Variants in DLEC1 observed in about 807,000 individuals in gnomAD.
DLEC1 encodes deleted in lung and esophageal cancer protein 1.
In DLEC1, 146 loss-of-function variants were observed where a neutral mutation model predicts 198.1. The ratio of observed to expected loss-of-function variants is 0.74; its 90% CI spans 0.64 to 0.85. DLEC1 has a LOEUF of 0.85. Ranked by LOEUF, DLEC1 falls within the 40% of genes least tolerant of loss-of-function variation. DLEC1 has a pLI of 0.00. For missense variants in DLEC1, 2,233 were observed against 2,220.0 expected (o/e 1.01, Z -0.12); for synonymous variants, 897 against 866.8 (o/e 1.03, Z -0.61).
intron 13 of DLEC1, chr3:38,095,511 C>T (rs1698968117): frequency 9.5e-6 from 3 of 314,168 alleles, no homozygotes; most frequent in South Asian, 8.8e-5. Context: ...AAGGATGCTC[C>T]GGGGCCATTG....
rs1696736306 is a variant in DLEC1, at chr3:38,062,386, TGCAGA to T, written c.873+23_873+27del. The T allele has an allele frequency of 1.2e-6, 2 of 1,613,926 alleles. No individual in the cohort carries two copies. Among genetic ancestry groups the T allele is most frequent in the Admixed American group, 3.3e-5 (2 of 59,986 alleles). Reference sequence around the variant, plus strand: ...CTCTCAAGGTCAGTTTGGAAGGCTGTGCAGAGCAGTGTTTGGGGGGACAGAGAGGC... The same window carrying T: ...CTCTCAAGGTCAGTTTGGAAGGCTGTGCAGTGTTTGGGGGGACAGAGAGGC... On this transcript the variant is annotated intron_variant, in intron 4 of 36. Coordinates refer to ENST00000308059, the MANE Select transcript of DLEC1 (RefSeq NM_007335.4).
chr3:38,062,660 C>T lies in DLEC1; in HGVS notation c.953C>T (p.Ala318Val). 6 of 1,614,056 alleles carry T rather than the reference C, an allele frequency of 3.7e-6. No homozygotes were observed. Among genetic ancestry groups the T allele is most frequent in the Non-Finnish European group, 5.1e-6 (6 of 1,180,016 alleles). ...AGAGAGCTAGACAGACTTCTGCTTG[C>T]CAGAATGGAGAGTCGGAACCACTTC... ...PQRELDRLLLARMESRNHFLK... is the reference protein window; with the variant it reads ...PQRELDRLLLVRMESRNHFLK... Residue 318 changes from alanine (A) to valine (V), a missense_variant, in exon 5 of 37, where the codon GCC becomes GTC. Transcript: ENST00000308059.
Position 38,122,382 on chromosome 3 carries a change from TGAGA to T in DLEC1, c.5241_5244del (p.Glu1747AspfsTer73), listed in dbSNP as rs1265025711. The T allele has an allele frequency of 5.6e-6, 9 of 1,614,098 alleles. No individual in the cohort carries two copies. Among genetic ancestry groups the T allele is most frequent in the Non-Finnish European group, 7.6e-6 (9 of 1,180,006 alleles). ...GGCTCCGGGGCCAAGGCTCCTATGA[TGAGA>T]GATACATGTTGCCTCACCAGCCCTG... On this transcript the variant is annotated frameshift_variant, in exon 37 of 37. Coordinates refer to ENST00000308059, the MANE Select transcript of DLEC1 (RefSeq NM_007335.4). LOFTEE classifies it high-confidence loss of function.
rs1404587115 is a variant in DLEC1 at position 38,122,275 on chromosome 3, C to A, written c.5145-14C>A. The A allele has an allele frequency of 6.2e-7, 1 of 1,608,248 alleles. No individual in the cohort carries two copies. The highest frequency in any genetic ancestry group is 1.3e-5 in the African/African-American group (1 of 74,834). ...AGGTGCCTCCTAACCTCAGCCCCCA[C>A]ATGCTCCCCACAGGAGTAGTGAGCT... On this transcript the variant is annotated splice_polypyrimidine_tract_variant and intron_variant, in intron 36 of 36. Transcript: ENST00000308059.
intron 12 of DLEC1, 113 bp from the exon 13 acceptor site, chr3:38,094,766 C>T: frequency 1.6e-6 from 2 of 1,279,024 alleles, no homozygotes; most frequent in Non-Finnish European, 2.1e-6. Context: ...CTGGTTTCTT[C>T]CTGTTCCTAG....
rs892621641 is a variant in DLEC1 at position 38,097,523 on chromosome 3, G to T, written c.2451G>T (p.Gly817=). 5.3e-5 allele frequency: 86 copies of T among 1,614,054 alleles called. No homozygotes were observed. Among genetic ancestry groups the T allele is most frequent in the Non-Finnish European group, 6.4e-5 (76 of 1,180,030 alleles). ...GTGVIEPSEV[G]DFELNFTGGV... is the part of the protein sequence containing the mutation. ...TCTTCTCAGAGCCCAGTGAGGTCGG[G>T]GATTTTGAGTTGAACTTTACTGGGG... The change falls in exon 17 of 37, where the codon GGG becomes GGT. Residue 817 remains glycine, a synonymous_variant. Coordinates refer to ENST00000308059, the MANE Select transcript of DLEC1 (RefSeq NM_007335.4).
chr3:38,121,725 G>A lies in DLEC1; in HGVS notation c.4964G>A (p.Arg1655Gln), dbSNP rs766331966. ...TGCTTTGTGAGCCAGCAGCGAGTCC[G>A]GGAGGTCTACCTGATGAACCTGAGC... Reference protein sequence around the residue: ...GTCFVSQQRVREVYLMNLSGC... With the variant: ...GTCFVSQQRVQEVYLMNLSGC... Residue 1655 changes from arginine to glutamine, a missense_variant, in exon 35 of 37, where the codon CGG (arginine) becomes CAG (glutamine). By Grantham distance (43) the Arg-to-Gln change is conservative. Coordinates refer to ENST00000308059, the MANE Select transcript of DLEC1 (RefSeq NM_007335.4). 25 of 1,614,054 alleles carry A rather than the reference G, an allele frequency of 1.5e-5. 2 individuals are homozygous for A. The South Asian group carries it at 2.2e-4, about 14-fold the overall frequency.
At chr3:38,043,962 T>C (rs1700770905) in intron 1 of DLEC1, among the ~76,000 whole-genome samples, 1 of 152,200 alleles carries the variant, frequency 6.6e-6, no homozygotes, top group Non-Finnish European at 1.5e-5. Flanking sequence ...AACTGTTTTT[T>C]TTTTTCTTTA....
chr3:38,110,655 T>G (rs1390992141), intron 23 of DLEC1, among the ~76,000 whole-genome samples: 1 of 152,088 alleles, frequency 6.6e-6, no homozygotes, highest in Non-Finnish European at 1.5e-5. Context: ...GGACCACTGA[T>G]AGCGTGCCTG....
chr3:38,093,622 G>A lies in DLEC1; in HGVS notation c.1774G>A (p.Ala592Thr), dbSNP rs1411563556. Residue 592 changes from alanine to threonine, a missense_variant, in exon 12 of 37, where the codon GCT (alanine) becomes ACT (threonine). Transcript: ENST00000308059. The stretch of plus-strand genomic sequence containing the variant: ...TTTGGCAGGAATTGGGCAGCTGATT[G>A]CTTTGGATCTGATCTATATTTCTGG... ...LVTIGIGQLI[A>T]LDLIYISGEK... 1 of 1,614,058 alleles carries A rather than the reference G, an allele frequency of 6.2e-7. No homozygotes were observed. Among genetic ancestry groups the A allele is most frequent in the Non-Finnish European group, 8.5e-7 (1 of 1,180,042 alleles).
intron 6 of DLEC1, among the ~76,000 whole-genome samples, chr3:38,065,292 A>T (rs1337960795): frequency 3.3e-5 from 5 of 152,178 alleles, no homozygotes; most frequent in South Asian, 2.1e-4. Context: ...GCGGCAGTAC[A>T]GTCCAGCCTC....
chr3:38,110,895 C>T (rs1169905395), intron 23 of DLEC1, among the ~76,000 whole-genome samples: 3 of 151,928 alleles, frequency 2.0e-5, no homozygotes, highest in Non-Finnish European at 4.4e-5. Context: ...CACAAATATA[C>T]ACACATACAC....
In DLEC1 at chr3:38,042,753, C is replaced by T. The variant is rs1252212523; in HGVS notation, c.412-2790C>T. On this transcript the variant is annotated intron_variant, in intron 1 of 36. Coordinates refer to ENST00000308059, the MANE Select transcript of DLEC1 (RefSeq NM_007335.4). ...TGTATTTTTAGTAAAGACAGGGTTT[C>T]ACTATGTTGGCCAGACTGGTCTTGA... 5.3e-5 allele frequency among the ~76,000 whole-genome samples: 8 copies of T among 152,240 alleles called. No individual in the cohort carries two copies. The East Asian group carries it at 1.5e-3, about 29-fold the overall frequency.
In DLEC1 at chr3:38,039,637, G is replaced by A. The variant is rs1429510951; in HGVS notation, c.411+1G>A. On this transcript the variant is annotated splice_donor_variant, in intron 1 of 36. Coordinates refer to ENST00000308059, the MANE Select transcript of DLEC1 (RefSeq NM_007335.4). LOFTEE classifies it high-confidence loss of function. The stretch of plus-strand genomic sequence containing the variant: ...GGAGTTCGTGGACCAGCTGCAGCAG[G>A]TAACGTGGCGGTGGCGTCGCGTCTG... 1.3e-6 allele frequency: 2 copies of A among 1,594,294 alleles called. No homozygotes were observed. The highest frequency in any genetic ancestry group is 1.7e-6 in the Non-Finnish European group (2 of 1,167,054).
rs774106027 is a variant in DLEC1, at chr3:38,116,975, G to C, written c.4180G>C (p.Val1394Leu). The C allele has an allele frequency of 1.9e-6, 3 of 1,613,808 alleles. No individual in the cohort carries two copies. The Admixed American group carries it at 5.0e-5, about 27-fold the overall frequency. Reference protein sequence around the residue: ...HLYCISPKQVVVPAGGSSTIY... With the variant: ...HLYCISPKQVLVPAGGSSTIY... ...GCTAAGGCTGCTGTGTCTATGCCAGGTGGTCCCTGCTGGGGGCAGCAGTAC... is the reference window on the plus strand; with the variant it reads ...GCTAAGGCTGCTGTGTCTATGCCAGCTGGTCCCTGCTGGGGGCAGCAGTAC... Residue 1394 changes from valine to leucine, a missense_variant and splice_region_variant, in exon 30 of 37, where the codon GTG (valine) becomes CTG (leucine). Transcript: ENST00000308059.
At chr3:38,110,056 GGTGTGTTAC>G in intron 22 of DLEC1, 34 bp from the exon 23 acceptor site, 1 of 1,602,264 alleles carries the variant, frequency 6.2e-7, no homozygotes, top group Non-Finnish European at 8.5e-7. Flanking sequence ...GGCCAAGGGT[GGTGTGTTAC>G]ATAGTACCAA....
chr3:38,111,708 G>GTGC lies in DLEC1; in HGVS notation c.3476_3478dup (p.Val1159_Arg1160insLeu). 6.2e-7 allele frequency: 1 copy of GTGC among 1,613,436 alleles called. No individual in the cohort carries two copies. The highest frequency in any genetic ancestry group is 8.5e-7 in the Non-Finnish European group (1 of 1,179,816). On this transcript the variant is annotated inframe_insertion, in exon 24 of 37. Transcript: ENST00000308059. Reference sequence around the variant, plus strand: ...CATGCCTCCTGCCCTGCTAAAGACAGTGCGGATGCAAGAGCACCTGGCCAA... The same window carrying GTGC: ...CATGCCTCCTGCCCTGCTAAAGACAGTGCTGCGGATGCAAGAGCACCTGGCCAA...
chr3:38,108,634 A>C (rs1470541884), intron 21 of DLEC1, 119 bp downstream of exon 21: 1 of 789,566 alleles, frequency 1.3e-6, no homozygotes, highest in Admixed American at 2.2e-5. Flanking sequence ...GGTGGGGAAG[A>C]GATTTCTTGC....
chr3:38,039,519 C>G lies in DLEC1; in HGVS notation c.294C>G (p.Gly98=). The change falls in exon 1 of 37, where the codon GGC becomes GGG. Residue 98 remains glycine, a synonymous_variant. Transcript: ENST00000308059. ...RTQDISHLLT[G]VFRNLYSAEV... is the part of the protein sequence containing the mutation. ...AAGATATCTCGCACTTGCTCACCGG[C>G]GTCTTCCGCAACTTGTACTCAGCCG... 1 of 1,614,058 alleles carries G rather than the reference C, an allele frequency of 6.2e-7. No homozygotes were observed. The highest frequency in any genetic ancestry group is 8.5e-7 in the Non-Finnish European group (1 of 1,179,926).
Sources: allele counts gnomAD v4.1 joint callset (sites outside exome capture counted in the v4.1 genomes callset), GRCh38; gene constraint gnomAD v4.1.1; transcripts MANE v1.5; gene names NCBI Gene and HGNC (gene_info 2026-07-23, HGNC 2026-07-21).